RASGRP1: variants seen among roughly 807,000 people sequenced by gnomAD.
RASGRP1 encodes RAS guanyl-releasing protein 1.
In RASGRP1, 37 loss-of-function variants were observed where a neutral mutation model predicts 95.1. The ratio of observed to expected loss-of-function variants is 0.39; its 90% CI spans 0.30 to 0.51. RASGRP1 has a LOEUF of 0.51. RASGRP1 is among the 20% of genes least tolerant of loss of function. The probability of loss-of-function intolerance (pLI) is 0.80; values close to 1 mark genes in which losing one functional copy is unlikely to be tolerated. For missense variants in RASGRP1, 711 were observed against 965.4 expected (o/e 0.74, Z 3.49); for synonymous variants, 325 against 353.4 (o/e 0.92, Z 0.90).
At chr15:38,515,641 G>A (rs1252409527) in intron 6 of RASGRP1, among the ~76,000 whole-genome samples, 2 of 151,996 alleles carry the variant, frequency 1.3e-5, no homozygotes, top group Non-Finnish European at 2.9e-5. Flanking sequence ...TGACTTCTGG[G>A]CCAGGACCAC....
Position 38,533,863 on chromosome 15 carries a change from G to A in RASGRP1, c.221-7459C>T, listed in dbSNP as rs369939107. Among the ~76,000 whole-genome samples, 13 of 152,328 alleles carry A rather than the reference G, an allele frequency of 8.5e-5. No homozygotes were observed. The East Asian group carries it at 2.1e-3, about 25-fold the overall frequency. ...AGGAACCCTGGTTTGTAGTGTTCAC[G>A]TATTTGCATGGTGTAAATACTTCCA... On this transcript the variant is annotated intron_variant, in intron 2 of 16. Coordinates refer to ENST00000310803, the MANE Select transcript of RASGRP1 (RefSeq NM_005739.4).
intron 2 of RASGRP1, among the ~76,000 whole-genome samples, chr15:38,555,632 G>C (rs1004606092): frequency 9.2e-5 from 14 of 151,914 alleles, no homozygotes; most frequent in African/African-American, 3.1e-4. Context: ...GTTCTCAAAG[G>C]TTTATTTTCC....
chr15:38,519,511 A>C (rs1595851949), intron 3 of RASGRP1, 140 bp from the exon 4 acceptor site: 1 of 689,360 alleles, frequency 1.5e-6, no homozygotes, highest in Non-Finnish European at 2.4e-6. Context: ...TTTCTGGCCA[A>C]AGGATAAAAA....
chr15:38,526,595 T>C (rs887206277), intron 2 of RASGRP1, among the ~76,000 whole-genome samples, 191 bp from the exon 3 acceptor site: 3 of 152,172 alleles, frequency 2.0e-5, no homozygotes, highest in African/African-American at 7.2e-5. Context: ...AATGTCCATT[T>C]TGATGCTCAT....
chr15:38,515,863 G>T (rs1891747997), intron 6 of RASGRP1, among the ~76,000 whole-genome samples: 1 of 145,990 alleles, frequency 6.8e-6, no homozygotes, highest in African/African-American at 2.5e-5. Context: ...GATTATCAGG[G>T]GTATGAGGGT....
At chr15:38,511,807 G>T in intron 7 of RASGRP1, 87 bp from the exon 8 acceptor site, 4 of 947,044 alleles carry the variant, frequency 4.2e-6, no homozygotes, top group Non-Finnish European at 4.9e-6. Flanking sequence ...TCTCTGTGCC[G>T]TGAGTCTCCC....
chr15:38,522,725 T>C (rs544018049), intron 3 of RASGRP1, among the ~76,000 whole-genome samples: 2 of 152,254 alleles, frequency 1.3e-5, no homozygotes, highest in East Asian at 3.9e-4. Flanking sequence ...ACATCCAGTA[T>C]ATTGAGAAGT....
At chr15:38,493,880 T>C (rs1389025926) in intron 16 of RASGRP1, among the ~76,000 whole-genome samples, 3 of 152,190 alleles carry the variant, frequency 2.0e-5, no homozygotes, top group African/African-American at 7.2e-5. Flanking sequence ...CTAACTTCTC[T>C]TAGGAAGATG....
chr15:38,528,668 A>T (rs899713457), intron 2 of RASGRP1, among the ~76,000 whole-genome samples: 3 of 151,958 alleles, frequency 2.0e-5, no homozygotes, highest in Non-Finnish European at 2.9e-5. Flanking sequence ...TTTTTCTTTT[A>T]TTTATTTTTT....
intron 2 of RASGRP1, among the ~76,000 whole-genome samples, chr15:38,554,967 G>A (rs893208178): frequency 1.3e-5 from 2 of 152,208 alleles, no homozygotes; most frequent in African/African-American, 4.8e-5. Context: ...CCTGTTATTA[G>A]GTCTGCATCC....
Position 38,503,357 on chromosome 15 carries a change from G to A in RASGRP1, c.1343C>T (p.Pro448Leu), listed in dbSNP as rs1238286956. 5 of 1,610,494 alleles carry A rather than the reference G, an allele frequency of 3.1e-6. No homozygotes were observed. The highest frequency in any genetic ancestry group is 1.7e-5 in the Admixed American group (1 of 59,660). Residue 448 changes from proline (P) to leucine (L), a missense_variant, in exon 11 of 17, where the codon CCA becomes CTA. Transcript: ENST00000310803. The stretch of plus-strand genomic sequence containing the variant: ...AGAAGCCCAGTCCACTACTACTGGT[G>A]GCTTTGAAGGTGTTAGTGGCTAAAA... Reference protein sequence around the residue: ...HRAPPLTPSKPPVVVDWASGV... With the variant: ...HRAPPLTPSKLPVVVDWASGV...
At position 38,512,855 on chromosome 15, in the gene RASGRP1, T is replaced by C. The variant is rs371096934; in HGVS notation, c.777A>G (p.Gln259=). 3 of 1,613,500 alleles carry C rather than the reference T, an allele frequency of 1.9e-6. No homozygotes were observed. Among genetic ancestry groups the C allele is most frequent in the Non-Finnish European group, 1.7e-6 (2 of 1,179,746 alleles). ...GCGTGGGGCGGCTGAGAACCATCAG[T>C]TGTACCCACTGGGAGATGCCGTTGC... ...ALCNGISQWV[Q]LMVLSRPTPQ... is the part of the protein sequence containing the mutation. Residue 259 remains glutamine, a synonymous_variant, in exon 7 of 17, where the codon CAA becomes CAG. Transcript: ENST00000310803.
chr15:38,507,215 T>C (rs1427353192), intron 9 of RASGRP1, among the ~76,000 whole-genome samples: 1 of 152,224 alleles, frequency 6.6e-6, no homozygotes, highest in Non-Finnish European at 1.5e-5. Flanking sequence ...TCACCCCATA[T>C]GCAAAATGCA....
At chr15:38,557,603 G>A (rs990003440) in intron 2 of RASGRP1, among the ~76,000 whole-genome samples, 2 of 144,894 alleles carry the variant, frequency 1.4e-5, no homozygotes, top group Non-Finnish European at 3.0e-5. Flanking sequence ...GTATATATAT[G>A]TGTGTGTGTG....
chr15:38,502,855 T>A lies in RASGRP1; in HGVS notation c.1428+417A>T, dbSNP rs115204085. On this transcript the variant is annotated intron_variant, in intron 11 of 16. Coordinates refer to ENST00000310803, the MANE Select transcript of RASGRP1 (RefSeq NM_005739.4). ...GCTCTTAGTTTTCCATTGTTACATG[T>A]GAGTTGTCCACGAGGATACATGCAT... is the stretch of plus-strand genomic sequence containing the variant. 1.6e-3 allele frequency: 377 copies of A among 232,248 alleles called. 3 individuals are homozygous for A. Among genetic ancestry groups the A allele is most frequent in the African/African-American group, 8.2e-3 (362 of 44,122 alleles). 14.4% of individuals were successfully genotyped at this position (232,248 alleles called of 1,614,324 possible).
intron 14 of RASGRP1, 55 bp from the exon 15 acceptor site, chr15:38,499,001 T>G: frequency 6.2e-7 from 1 of 1,611,622 alleles, no homozygotes; most frequent in Non-Finnish European, 8.5e-7. Flanking sequence ...TCTTCCCCAG[T>G]GTGTCTCACA....
intron 2 of RASGRP1, among the ~76,000 whole-genome samples, chr15:38,543,632 CT>C (rs1414062967): frequency 1.4e-4 from 11 of 79,386 alleles, no homozygotes; most frequent in Non-Finnish European, 1.9e-4. Flanking sequence ...ACTGACCTTT[CT>C]TTTTTTCTTT....
At chr15:38,550,242 CAAAAAA>C (rs56383365) in intron 2 of RASGRP1, among the ~76,000 whole-genome samples, 1 of 89,048 alleles carries the variant, frequency 1.1e-5, no homozygotes, top group Non-Finnish European at 2.5e-5. Context: ...ACTCTGTCGC[CAAAAAA>C]AAAAAAAAAA....
intron 2 of RASGRP1, among the ~76,000 whole-genome samples, chr15:38,545,809 T>C (rs1427611423): frequency 3.3e-5 from 5 of 152,224 alleles, no homozygotes; most frequent in Non-Finnish European, 4.4e-5. Context: ...TTTAGATATA[T>C]GAAATACTCC....
Sources: gnomAD v4.1 joint callset for allele counts (sites outside exome capture counted in the v4.1 genomes callset) on GRCh38, gnomAD v4.1.1 for gene constraint, MANE v1.5 for transcripts, NCBI Gene and HGNC (gene_info 2026-07-23, HGNC 2026-07-21) for gene names.